The following RET variants were observed in gnomAD, a reference collection of about 807,000 sequenced individuals.
The protein encoded by RET is ret proto-oncogene, also known as proto-oncogene tyrosine-protein kinase receptor Ret.
In RET, 19 loss-of-function variants were observed where a neutral mutation model predicts 118.3. The ratio of observed to expected loss-of-function variants is 0.16; its 90% CI spans 0.11 to 0.24. The LOEUF (loss-of-function observed/expected upper bound fraction) is 0.24. RET is among the 10% of genes least tolerant of loss of function. RET has a pLI of 1.00. For missense variants in RET, 1,219 were observed against 1,502.1 expected (o/e 0.81, Z 3.12); for synonymous variants, 597 against 644.1 (o/e 0.93, Z 1.11).
rs1431524535 is a variant in RET at position 43,112,838 on chromosome 10, G to A, written c.1649-15G>A. The A allele has an allele frequency of 6.2e-7, 1 of 1,605,642 alleles. No individual in the cohort carries two copies. The highest frequency in any genetic ancestry group is 8.5e-7 in the Non-Finnish European group (1 of 1,172,754). On this transcript the variant is annotated splice_polypyrimidine_tract_variant and intron_variant, in intron 8 of 19. Transcript: ENST00000355710. ...GCTCCCACATGGGTGACAGCCTGCT[G>A]TGTGTCCTGTGCAGGGATCACCAGG...
intron 2 of RET, 34 bp downstream of exon 2, chr10:43,100,756 C>A (rs368088467): frequency 1.3e-6 from 2 of 1,548,504 alleles, no homozygotes; most frequent in Non-Finnish European, 8.7e-7. Flanking sequence ...ACCCCGTGCC[C>A]CACCCCACCC....
At chr10:43,079,472 G>A (rs1837130112) in intron 1 of RET, among the ~76,000 whole-genome samples, 1 of 152,320 alleles carries the variant, frequency 6.6e-6, no homozygotes, top group East Asian at 1.9e-4. Context: ...TGCTCTTAAA[G>A]GTTTCTGGCA....
intron 14 of RET, 80 bp downstream of exon 14, chr10:43,119,825 T>TGGCCTGCCACTCCCC: frequency 7.0e-7 from 1 of 1,421,002 alleles, no homozygotes; most frequent in Middle Eastern, 2.3e-4. Flanking sequence ...ACCCACACCC[T>TGGCCTGCCACTCCCC]GGCCTGCCAC....
In RET at chr10:43,109,122, A is replaced by G. The variant is rs1303339121; in HGVS notation, c.1155A>G (p.Gly385=). The G allele has an allele frequency of 6.2e-7, 1 of 1,613,832 alleles. No homozygotes were observed. Among genetic ancestry groups the G allele is most frequent in the South Asian group, 1.1e-5 (1 of 91,072 alleles). The change falls in exon 6 of 20, where the codon GGA becomes GGG. Residue 385 remains glycine, a synonymous_variant. Transcript: ENST00000355710. ...ATGACTCAGACTTCCAGGGCCCAGG[A>G]GCGGGCGTCCTCTTGCTCCACTTCA... ...LVNDSDFQGP[G]AGVLLLHFNV...
intron 1 of RET, among the ~76,000 whole-genome samples, chr10:43,090,490 C>T (rs1414464588): frequency 1.3e-5 from 2 of 152,088 alleles, no homozygotes; most frequent in Non-Finnish European, 2.9e-5. Flanking sequence ...CCCTGCCTTG[C>T]TCAGGGCTGT....
chr10:43,111,253 A>G lies in RET; in HGVS notation c.1310A>G (p.Asn437Ser), dbSNP rs1260532632. ...VENCQAFSGI[N>S]VQYKLHSSGA... ...AACTGCCAGGCATTCAGTGGCATCAACGTCCAGTACAAGCTGCATTCCTCT... is the reference window on the plus strand; with the variant it reads ...AACTGCCAGGCATTCAGTGGCATCAGCGTCCAGTACAAGCTGCATTCCTCT... The change falls in exon 7 of 20, where the codon AAC becomes AGC. Residue 437 changes from asparagine to serine, a missense_variant. Around this residue, in one of 5 missense-constraint regions of RET, gnomAD observed 850 missense variants for 969.6 expected, o/e 0.88. Coordinates refer to ENST00000355710, the MANE Select transcript of RET (RefSeq NM_020975.6). The G allele has an allele frequency of 1.2e-6, 2 of 1,614,130 alleles. No homozygotes were observed. Among genetic ancestry groups the G allele is most frequent in the South Asian group, 2.2e-5 (2 of 91,082 alleles).
chr10:43,104,887 G>T, intron 3 of RET, 65 bp from the exon 4 acceptor site: 1 of 1,533,548 alleles, frequency 6.5e-7, no homozygotes, highest in Non-Finnish European at 8.7e-7. Context: ...CCCCCTTCCC[G>T]AGGAAAGCGG....
At chr10:43,117,251 G>A (rs1195906557) in intron 12 of RET, among the ~76,000 whole-genome samples, 2 of 152,268 alleles carry the variant, frequency 1.3e-5, no homozygotes, top group Non-Finnish European at 2.9e-5. Context: ...TGAACAGCCA[G>A]GCTGAATGGC....
At chr10:43,103,410 G>A (rs957056713) in intron 3 of RET, among the ~76,000 whole-genome samples, 2 of 152,138 alleles carry the variant, frequency 1.3e-5, no homozygotes, top group Non-Finnish European at 2.9e-5. Flanking sequence ...GGTGGAAGCC[G>A]AGGCATGGCG....
At chr10:43,084,289 CTG>C (rs904071479) in intron 1 of RET, among the ~76,000 whole-genome samples, 1 of 152,226 alleles carries the variant, frequency 6.6e-6, no homozygotes, top group Non-Finnish European at 1.5e-5. Context: ...AGCCGCCAAA[CTG>C]TTTTCCACAG....
In RET at chr10:43,114,807, G is replaced by A. The variant is rs2132857253; in HGVS notation, c.2136+71G>A. The A allele has an allele frequency of 1.3e-6, 2 of 1,504,300 alleles. No homozygotes were observed. The highest frequency in any genetic ancestry group is 1.4e-5 in the African/African-American group (1 of 71,832). The allele number at this position is 1,504,300 out of a possible 1,614,324, so 93.2% of individuals were successfully genotyped here. On this transcript the variant is annotated intron_variant, in intron 11 of 19. Coordinates refer to ENST00000355710, the MANE Select transcript of RET (RefSeq NM_020975.6). This position sits in a 1 kb window ranked among gnomAD's most constrained non-coding sequence, Gnocchi z 4.6. Reference sequence around the variant, plus strand: ...TGCCTTCCAGGGAGGGAGGCCAGCTGGGGAGACAGAGGCCATCCTGTGAGG... The same window carrying A: ...TGCCTTCCAGGGAGGGAGGCCAGCTAGGGAGACAGAGGCCATCCTGTGAGG...
rs1223172915 is a variant in RET, at chr10:43,118,487, C to A, written c.2392+7C>A. ...GGGGCCTGCAGCCAGGATGGTAAGG[C>A]CAGCTGCAGGGTGAGGTGGGCAGCC... On this transcript the variant is annotated splice_region_variant and intron_variant, in intron 13 of 19. Transcript: ENST00000355710. The A allele has an allele frequency of 6.2e-7, 1 of 1,609,182 alleles. No homozygotes were observed. Among genetic ancestry groups the A allele is most frequent in the Non-Finnish European group, 8.5e-7 (1 of 1,176,154 alleles).
intron 1 of RET, among the ~76,000 whole-genome samples, chr10:43,091,822 CAAAAAAAAAA>C (rs60545334): frequency 4.4e-5 from 5 of 114,612 alleles, no homozygotes; most frequent in African/African-American, 1.7e-4. Flanking sequence ...TGTCTACTAT[CAAAAAAAAAA>C]AAAAAAAAAA....
At chr10:43,124,768 G>C (rs1232255927) in intron 17 of RET, 115 bp from the exon 18 acceptor site, 3 of 1,006,280 alleles carry the variant, frequency 3.0e-6, no homozygotes, top group Non-Finnish European at 4.7e-6. Context: ...TTTGGAGTTG[G>C]AGACAGAGCA....
intron 6 of RET, 69 bp from the exon 7 acceptor site, chr10:43,111,138 A>C: frequency 6.2e-7 from 1 of 1,600,916 alleles, no homozygotes; most frequent in Non-Finnish European, 8.5e-7. Flanking sequence ...CTGTGTGGGA[A>C]TCTCTACCCT....
intron 1 of RET, among the ~76,000 whole-genome samples, chr10:43,083,300 T>G (rs1837223715): frequency 6.6e-6 from 1 of 152,188 alleles, no homozygotes; most frequent in Non-Finnish European, 1.5e-5. Context: ...TCAAATTGTC[T>G]TTGCTCCCCT....
rs759229505 is a variant in RET at position 43,102,534 on chromosome 10, G to A, written c.530G>A (p.Arg177Gln). ...FPETRPSFRI[R>Q]ENRPPGTFHQ... ...GAGACAAGGCCCTCCTTCCGCATTCGGGAGAACCGACCCCCAGGCACCTTC... is the reference window on the plus strand; with the variant it reads ...GAGACAAGGCCCTCCTTCCGCATTCAGGAGAACCGACCCCCAGGCACCTTC... The change falls in exon 3 of 20, where the codon CGG becomes CAG. Residue 177 changes from arginine (R) to glutamine (Q), a missense_variant. Coordinates refer to ENST00000355710, the MANE Select transcript of RET (RefSeq NM_020975.6). The A allele has an allele frequency of 1.3e-5, 21 of 1,614,006 alleles. 1 individual carries two copies. The highest frequency in any genetic ancestry group is 3.3e-5 in the Admixed American group (2 of 59,994).
intron 12 of RET, among the ~76,000 whole-genome samples, chr10:43,117,983 T>G (rs1838111541): frequency 6.6e-6 from 1 of 152,202 alleles, no homozygotes; most frequent in East Asian, 1.9e-4. Context: ...GCTCTCCACC[T>G]TCTCCAGGGC....
rs1365402858 is a variant in RET at position 43,101,808 on chromosome 10, C to T, written c.338-534C>T. Among the ~76,000 whole-genome samples, 5 of 152,182 alleles carry T rather than the reference C, an allele frequency of 3.3e-5. No individual in the cohort carries two copies. In the East Asian group the frequency reaches 9.6e-4, roughly 29 times the overall value. ...CAATGAGGGACAGGCTAGCAAAAAG[C>T]AAAGAGAATGCCAGAGAATATGGGA... On this transcript the variant is annotated intron_variant, in intron 2 of 19. Transcript: ENST00000355710.
Sources: gnomAD v4.1 joint callset for allele counts (sites outside exome capture counted in the v4.1 genomes callset) on GRCh38, gnomAD v4.1.1 for gene constraint, gnomAD v4.1.1 regional missense constraint, Gnocchi (gnomAD v3.1) non-coding constraint, MANE v1.5 for transcripts, NCBI Gene and HGNC (gene_info 2026-07-23, HGNC 2026-07-21) for gene names.